Variants in TBC1D5 observed in about 807,000 individuals in gnomAD.
TBC1D5 encodes the protein TBC1 domain family member 5.
TBC1D5 carries 75 observed loss-of-function variants against 100.3 expected under a neutral mutation model. The ratio of observed to expected loss-of-function variants is 0.75; its 90% CI spans 0.62 to 0.91. The LOEUF is 0.91. Ranked by LOEUF, TBC1D5 falls within the 40% of genes least tolerant of loss-of-function variation. TBC1D5 has a pLI of 0.00. For missense variants in TBC1D5, 910 were observed against 942.4 expected, an observed-to-expected ratio of 0.97 and a Z score of 0.45; for synonymous variants, 323 against 325.6, an observed-to-expected ratio of 0.99 and a Z score of 0.09.
chr3:17,473,907 CTTG>C (rs1247696572), intron 3 of TBC1D5, among the ~76,000 whole-genome samples: 3 of 149,014 alleles, frequency 2.0e-5, no homozygotes, highest in African/African-American at 7.5e-5. Flanking sequence ...TTTTGCTTTA[CTTG>C]TTTAGTTTTG....
intron 3 of TBC1D5, among the ~76,000 whole-genome samples, chr3:17,488,462 C>T (rs1406342954): frequency 1.3e-5 from 2 of 152,128 alleles, no homozygotes; most frequent in East Asian, 1.9e-4. Context: ...TCTGTATAGA[C>T]GTAAGTTTTC....
intron 2 of TBC1D5, among the ~76,000 whole-genome samples, chr3:17,583,916 C>A (rs1214574950): frequency 6.6e-6 from 1 of 152,134 alleles, no homozygotes; most frequent in Non-Finnish European, 1.5e-5. Flanking sequence ...GCGTTTAGAG[C>A]AGCACTATTC....
intron 18 of TBC1D5, among the ~76,000 whole-genome samples, chr3:17,190,902 G>A (rs2069795508): frequency 6.6e-6 from 1 of 152,172 alleles, no homozygotes; most frequent in Admixed American, 6.5e-5. Context: ...GAGCAGATGG[G>A]TGAACAAGAA....
At chr3:17,471,293 C>T (rs1559960112) in intron 3 of TBC1D5, among the ~76,000 whole-genome samples, 2 of 152,112 alleles carry the variant, frequency 1.3e-5, no homozygotes, top group Non-Finnish European at 1.5e-5. Flanking sequence ...TCTTAAAATG[C>T]ATTTGAAAGT....
chr3:17,438,972 T>C (rs1474801505), intron 3 of TBC1D5, among the ~76,000 whole-genome samples: 1 of 152,070 alleles, frequency 6.6e-6, no homozygotes, highest in African/African-American at 2.4e-5. Context: ...CTATATAAAA[T>C]AGAGTATATG....
chr3:17,711,309 T>C (rs1043154674), intron 1 of TBC1D5, among the ~76,000 whole-genome samples: 2 of 152,212 alleles, frequency 1.3e-5, no homozygotes, highest in Non-Finnish European at 1.5e-5. Context: ...TATGAAGTAC[T>C]TGATACATGC....
At chr3:17,474,003 C>A (rs1265635635) in intron 3 of TBC1D5, among the ~76,000 whole-genome samples, 1 of 151,756 alleles carries the variant, frequency 6.6e-6, no homozygotes, top group Non-Finnish European at 1.5e-5. Context: ...ACTTTTTAAT[C>A]CTCACTTTTA....
chr3:17,406,702 G>A (rs1170028198), intron 4 of TBC1D5, 176 bp from the exon 5 acceptor site: 4 of 564,720 alleles, frequency 7.1e-6, no homozygotes, highest in African/African-American at 1.9e-5. Context: ...CAGTTCTTCC[G>A]TAGATTTAAT....
At chr3:17,284,500 T>C (rs2080969097) in intron 15 of TBC1D5, among the ~76,000 whole-genome samples, 1 of 152,208 alleles carries the variant, frequency 6.6e-6, no homozygotes, top group African/African-American at 2.4e-5. Flanking sequence ...AAGAGCCATA[T>C]GTATTTTTTT....
intron 2 of TBC1D5, among the ~76,000 whole-genome samples, chr3:17,542,576 A>C (rs1215775618): frequency 6.6e-6 from 1 of 152,224 alleles, no homozygotes; most frequent in African/African-American, 2.4e-5. Context: ...AATTGTAGAG[A>C]GCAAAACCAC....
intron 1 of TBC1D5, among the ~76,000 whole-genome samples, chr3:17,642,813 T>C (rs2064650916): frequency 6.6e-6 from 1 of 152,172 alleles, no homozygotes; most frequent in Non-Finnish European, 1.5e-5. Context: ...AAGAACGTAC[T>C]ACATCAAATT....
At chr3:17,250,292 C>T (rs904246454) in intron 16 of TBC1D5, among the ~76,000 whole-genome samples, 1 of 152,254 alleles carries the variant, frequency 6.6e-6, no homozygotes, top group African/African-American at 2.4e-5. Flanking sequence ...TGCTGCTCAT[C>T]TCCTAACTAG....
At chr3:17,700,807 G>A (rs868744964) in intron 1 of TBC1D5, among the ~76,000 whole-genome samples, 21 of 152,176 alleles carry the variant, frequency 1.4e-4, no homozygotes, top group Middle Eastern at 6.8e-3. Context: ...TGAGAATGGC[G>A]ATCATTAAAA....
chr3:17,488,727 A>T (rs990336293), intron 3 of TBC1D5, among the ~76,000 whole-genome samples: 1 of 152,064 alleles, frequency 6.6e-6, no homozygotes, highest in Non-Finnish European at 1.5e-5. Context: ...CCCTGATAAC[A>T]TATGATGTTG....
intron 15 of TBC1D5, among the ~76,000 whole-genome samples, chr3:17,268,114 G>A (rs573063267): frequency 4.0e-4 from 61 of 152,022 alleles, no homozygotes; most frequent in African/African-American, 1.4e-3. Context: ...ATGGAGAAGA[G>A]TCCATGTAGA....
At chr3:17,678,103 A>C (rs1363355217) in intron 1 of TBC1D5, among the ~76,000 whole-genome samples, 3 of 152,250 alleles carry the variant, frequency 2.0e-5, no homozygotes, top group African/African-American at 7.2e-5. Flanking sequence ...ACAAACCTGC[A>C]CGTTGTGCAC....
Position 17,584,305 on chromosome 3 carries a change from C to T in TBC1D5, c.-36+39544G>A, listed in dbSNP as rs995683298. Among the ~76,000 whole-genome samples, 18 of 152,276 alleles carry T rather than the reference C, an allele frequency of 1.2e-4. 1 individual carries two copies. In the East Asian group the frequency reaches 2.9e-3, roughly 24 times the overall value. ...AACACTGTCAGTGTACTCAACGCCA[C>T]GGAACTGTTCACTTCAAAATGGTGA... On this transcript the variant is annotated intron_variant, in intron 2 of 21. Coordinates refer to ENST00000253692, the Ensembl canonical transcript of TBC1D5.
chr3:17,552,540 T>C (rs1300596273), intron 2 of TBC1D5, among the ~76,000 whole-genome samples: 1 of 152,102 alleles, frequency 6.6e-6, no homozygotes, highest in South Asian at 2.1e-4. Context: ...ATGGAACACA[T>C]GCCTGGCACT....
chr3:17,578,868 A>G (rs1181933284), intron 2 of TBC1D5, among the ~76,000 whole-genome samples: 4 of 152,042 alleles, frequency 2.6e-5, no homozygotes, highest in Admixed American at 2.6e-4. Flanking sequence ...AGAAGACAGA[A>G]ATTGTGAACT....
Sources: gnomAD v4.1 joint callset for allele counts (sites outside exome capture counted in the v4.1 genomes callset) on GRCh38, gnomAD v4.1.1 for gene constraint, MANE v1.5 for transcripts, NCBI Gene and HGNC (gene_info 2026-07-23, HGNC 2026-07-21) for gene names.